The following PCBP2 variants were observed in gnomAD, a reference collection of about 807,000 sequenced individuals.
The protein encoded by PCBP2 is poly(rC) binding protein 2.
PCBP2 carries 4 observed loss-of-function variants against 50.1 expected under a neutral mutation model. The observed-to-expected ratio is 0.08, with a 90% CI of 0.04 to 0.18. The LOEUF (loss-of-function observed/expected upper bound fraction) is 0.18. Ranked by LOEUF, PCBP2 falls within the 10% of genes least tolerant of loss-of-function variation. The probability of loss-of-function intolerance (pLI) is 1.00; values close to 1 mark genes in which losing one functional copy is unlikely to be tolerated. For synonymous variants in PCBP2, 179 were observed against 168.0 expected (o/e 1.07, Z -0.51); for missense variants, 161 against 474.3 (o/e 0.34, Z 6.14).
At chr12:53,455,645 T>C in intron 4 of PCBP2, 152 bp downstream of exon 4, 3 of 844,644 alleles carry the variant, frequency 3.6e-6, no homozygotes, top group Non-Finnish European at 5.6e-6. Flanking sequence ...CTGGGGAGTG[T>C]ATTTTTTTTT....
intron 5 of PCBP2, among the ~76,000 whole-genome samples, chr12:53,457,767 C>T (rs1460001792): frequency 6.6e-6 from 1 of 152,092 alleles, no homozygotes; most frequent in Non-Finnish European, 1.5e-5. Context: ...GTTTCCAGGT[C>T]TCTAGTTATC....
At chr12:53,452,995 C>G (rs1291734626) in intron 1 of PCBP2, 1 of 151,976 alleles carries the variant, frequency 6.6e-6, no homozygotes, top group Non-Finnish European at 1.5e-5. Flanking sequence ...TTTTAAATTA[C>G]AAAATGCCTG....
At chr12:53,453,705 G>A (rs1940758008) in intron 1 of PCBP2, among the ~76,000 whole-genome samples, 1 of 152,134 alleles carries the variant, frequency 6.6e-6, no homozygotes, top group Admixed American at 6.5e-5. Context: ...CTACAACTTG[G>A]GAGAGGTCCT....
intron 10 of PCBP2, 76 bp from the exon 11 acceptor site, chr12:53,467,145 A>G (rs973878295): frequency 1.8e-6 from 2 of 1,140,508 alleles, no homozygotes; most frequent in Non-Finnish European, 2.6e-6. Context: ...CAGGACCTGC[A>G]TTTTCAAATT....
intron 14 of PCBP2, among the ~76,000 whole-genome samples, chr12:53,472,903 A>G (rs1398350003): frequency 6.6e-6 from 1 of 152,132 alleles, no homozygotes; most frequent in Non-Finnish European, 1.5e-5. Context: ...CCACCCACCA[A>G]GCACACTAGG....
rs993123462 is a variant in PCBP2 at position 53,477,387 on chromosome 12, C to T, written c.1053-2019C>T. On this transcript the variant is annotated intron_variant, in intron 14 of 14. Coordinates refer to ENST00000546463, the MANE Select transcript of PCBP2 (RefSeq NM_031989.5). ...CTTTTAAGAACTAAATATCCCCTGC[C>T]GGGCACGGTGGCTCACGCCTGTAAT... Among the ~76,000 whole-genome samples the T allele has an allele frequency of 1.7e-4, 26 of 151,884 alleles. 1 individual carries two copies. The highest frequency in any genetic ancestry group is 4.8e-4 in the African/African-American group (20 of 41,326).
intron 14 of PCBP2, among the ~76,000 whole-genome samples, chr12:53,477,383 C>T (rs1248447728): frequency 6.6e-6 from 1 of 151,962 alleles, no homozygotes; most frequent in African/African-American, 2.4e-5. Context: ...TAAATATCCC[C>T]TGCCGGGCAC....
At chr12:53,454,952 C>G in intron 2 of PCBP2, 83 bp downstream of exon 2, 1 of 1,120,606 alleles carries the variant, frequency 8.9e-7, no homozygotes, top group Non-Finnish European at 1.4e-6. Context: ...TGGAGCTCAT[C>G]AGATTAGCAC....
chr12:53,463,128 C>G (rs1397639329), intron 8 of PCBP2, among the ~76,000 whole-genome samples: 1 of 152,128 alleles, frequency 6.6e-6, no homozygotes, highest in Non-Finnish European at 1.5e-5. Flanking sequence ...GGTAAGAGTT[C>G]AGTGTGCAAG....
intron 6 of PCBP2, 53 bp downstream of exon 6, chr12:53,459,456 G>T: frequency 6.4e-7 from 1 of 1,554,430 alleles, no homozygotes; most frequent in Non-Finnish European, 8.8e-7. Flanking sequence ...TTCCAAATTG[G>T]CTCTTTGTAT....
intron 3 of PCBP2, 37 bp from the exon 4 acceptor site, chr12:53,455,424 T>C: frequency 6.2e-7 from 1 of 1,613,946 alleles, no homozygotes; most frequent in Non-Finnish European, 8.5e-7. Flanking sequence ...TGGATTGAAG[T>C]AGCAGTTGGA....
chr12:53,475,144 C>T, intron 14 of PCBP2: 1 of 456,496 alleles, frequency 2.2e-6, no homozygotes, highest in South Asian at 1.5e-5. Flanking sequence ...TCAGCTACCA[C>T]CACCACCACC....
chr12:53,457,574 G>A (rs1311417116), intron 5 of PCBP2, among the ~76,000 whole-genome samples: 1 of 150,644 alleles, frequency 6.6e-6, no homozygotes, highest in Non-Finnish European at 1.5e-5. Flanking sequence ...TTGAACTCTT[G>A]GGCTCAAGCA....
chr12:53,469,760 C>CTTT (rs71444805), intron 13 of PCBP2, among the ~76,000 whole-genome samples: 1,758 of 114,096 alleles, frequency 0.015, 92 homozygotes, highest in Middle Eastern at 0.039. Context: ...ACATTTGCTG[C>CTTT]TTTTTTTTTT....
intron 12 of PCBP2, 158 bp from the exon 13 acceptor site, chr12:53,468,619 C>A: frequency 1.6e-6 from 1 of 643,390 alleles, no homozygotes; most frequent in East Asian, 2.7e-5. Context: ...ACCCTTCTCC[C>A]CCACTCTTTC....
intron 5 of PCBP2, among the ~76,000 whole-genome samples, chr12:53,457,030 C>T (rs771578437): frequency 1.3e-5 from 2 of 152,172 alleles, no homozygotes; most frequent in South Asian, 4.1e-4. Flanking sequence ...TGAACTAGTT[C>T]TTTTTTATAC....
chr12:53,460,929 A>G (rs1291738187), intron 6 of PCBP2, 86 bp from the exon 7 acceptor site: 4 of 1,405,632 alleles, frequency 2.8e-6, no homozygotes, highest in Admixed American at 1.8e-5. Context: ...TATCTACTAG[A>G]GTTTTAGGCT....
intron 5 of PCBP2, among the ~76,000 whole-genome samples, chr12:53,458,734 G>A (rs1443764428): frequency 1.3e-5 from 2 of 151,792 alleles, no homozygotes. Context: ...TGCCTCCTGG[G>A]TTCAAGCGAT....
In PCBP2 at chr12:53,467,847, A is replaced by G; in HGVS notation, c.826+4A>G. On this transcript the variant is annotated splice_donor_region_variant and intron_variant, in intron 12 of 14. Coordinates refer to ENST00000546463, the MANE Select transcript of PCBP2 (RefSeq NM_031989.5). Reference sequence around the variant, plus strand: ...CCAGAGGTGAAAGGCTATTGGGGTAATGATTAAAAAAAAAAAAATCTGTAG... The same window carrying G: ...CCAGAGGTGAAAGGCTATTGGGGTAGTGATTAAAAAAAAAAAAATCTGTAG... 1.2e-6 allele frequency: 2 copies of G among 1,605,526 alleles called. No homozygotes were observed. Among genetic ancestry groups the G allele is most frequent in the Non-Finnish European group, 1.7e-6 (2 of 1,172,878 alleles).
Sources: gnomAD v4.1 joint callset for allele counts (sites outside exome capture counted in the v4.1 genomes callset) on GRCh38, gnomAD v4.1.1 for gene constraint, MANE v1.5 for transcripts, NCBI Gene and HGNC (gene_info 2026-07-23, HGNC 2026-07-21) for gene names.